Variants in TAFA2 observed in about 807,000 individuals in gnomAD.
TAFA2 encodes the protein TAFA chemokine like family member 2.
A neutral mutation model predicts 18.8 loss-of-function variants in TAFA2; 7 were observed. The observed-to-expected ratio is 0.37, with a 90% CI of 0.21 to 0.70. The LOEUF is 0.70. Ranked by LOEUF, TAFA2 falls within the 30% of genes least tolerant of loss-of-function variation. TAFA2 has a pLI of 0.53. For synonymous variants in TAFA2, 60 were observed against 54.2 expected, an observed-to-expected ratio of 1.11 and a Z score of -0.47; for missense variants, 122 against 158.1, an observed-to-expected ratio of 0.77 and a Z score of 1.23.
intron 1 of TAFA2, among the ~76,000 whole-genome samples, chr12:62,186,399 A>C (rs892040182): frequency 5.3e-5 from 8 of 152,154 alleles, no homozygotes; most frequent in Middle Eastern, 6.3e-3. Context: ...CTTCATGTAG[A>C]GAGTTAGCTT....
chr12:61,765,128 C>T (rs1019298977), intron 2 of TAFA2, among the ~76,000 whole-genome samples: 3 of 152,060 alleles, frequency 2.0e-5, no homozygotes, highest in African/African-American at 7.2e-5. Context: ...TAGGCAGTGA[C>T]ACAAAGAATG....
chr12:61,933,546 C>T lies in TAFA2; in HGVS notation c.-1-66120G>A, dbSNP rs139636310. Among the ~76,000 whole-genome samples, 366 of 152,120 alleles carry T rather than the reference C, an allele frequency of 2.4e-3. 4 individuals carry two copies. Among genetic ancestry groups the T allele is most frequent in the African/African-American group, 8.4e-3 (349 of 41,506 alleles). ...GGGCAATTATAGCAAGACCCCATCT[C>T]TACAAAAAAATTAAAAAATTAGCCA... On this transcript the variant is annotated intron_variant, in intron 1 of 4. Coordinates refer to ENST00000416284, the MANE Select transcript of TAFA2 (RefSeq NM_178539.5).
intron 1 of TAFA2, among the ~76,000 whole-genome samples, chr12:61,948,118 G>A (rs1878344170): frequency 6.6e-6 from 1 of 152,150 alleles, no homozygotes; most frequent in Admixed American, 6.6e-5. Flanking sequence ...AACTTTTGCT[G>A]TTACAAAAAC....
chr12:61,880,144 C>T (rs777407593), intron 1 of TAFA2: 1 of 577,210 alleles, frequency 1.7e-6, no homozygotes, highest in Non-Finnish European at 3.2e-6. Context: ...CCAACTGCAG[C>T]TGGGCTAAGG....
intron 1 of TAFA2, among the ~76,000 whole-genome samples, chr12:62,218,666 C>T (rs1261089579): frequency 2.0e-5 from 3 of 152,216 alleles, no homozygotes; most frequent in South Asian, 2.1e-4. Context: ...ATCTTTATAG[C>T]TTTAAATCTA....
At chr12:62,245,302 A>G (rs1431212678) in intron 1 of TAFA2, among the ~76,000 whole-genome samples, 1 of 152,014 alleles carries the variant, frequency 6.6e-6, no homozygotes, top group African/African-American at 2.4e-5. Flanking sequence ...ATATGCATTT[A>G]TCTAATTGCA....
At chr12:61,901,259 CTTTTT>C (rs1203233805) in intron 1 of TAFA2, among the ~76,000 whole-genome samples, 1 of 10,898 alleles carries the variant, frequency 9.2e-5, no homozygotes, top group Non-Finnish European at 1.5e-4. Flanking sequence ...TTCAATTTCA[CTTTTT>C]TTTTTTTTTT....
intron 1 of TAFA2, among the ~76,000 whole-genome samples, chr12:62,146,429 A>T (rs1290214700): frequency 3.3e-5 from 5 of 151,874 alleles, no homozygotes; most frequent in Non-Finnish European, 7.4e-5. Context: ...GACTACAGGC[A>T]TGCCACCACA....
At chr12:61,720,890 T>TC (rs770852222) in intron 4 of TAFA2, 64 of 515,926 alleles carry the variant, frequency 1.2e-4, no homozygotes, top group Non-Finnish European at 2.0e-4. Flanking sequence ...TCTTTCTACT[T>TC]CTCCATTCGA....
chr12:62,035,280 G>C (rs2136751476), intron 1 of TAFA2, among the ~76,000 whole-genome samples: 1 of 152,280 alleles, frequency 6.6e-6, no homozygotes, highest in East Asian at 1.9e-4. Context: ...AATAGGACCT[G>C]CCCTCCTGAA....
chr12:61,884,184 GA>G, intron 1 of TAFA2, among the ~76,000 whole-genome samples: 1 of 152,154 alleles, frequency 6.6e-6, no homozygotes, highest in Non-Finnish European at 1.5e-5. Context: ...GTATTAAGCG[GA>G]GGAATAAGAG....
intron 1 of TAFA2, among the ~76,000 whole-genome samples, chr12:62,231,621 TG>T (rs1187787821): frequency 6.6e-6 from 1 of 152,220 alleles, no homozygotes; most frequent in African/African-American, 2.4e-5. Flanking sequence ...ACATGTTTTT[TG>T]TTTTTTTTAA....
Position 61,708,816 on chromosome 12 carries a change from G to C in TAFA2, c.*1590C>G, listed in dbSNP as rs916484976. On this transcript the variant is annotated 3_prime_UTR_variant, in exon 5 of 5. Coordinates refer to ENST00000416284, the MANE Select transcript of TAFA2 (RefSeq NM_178539.5). ...GTGTCTGAGTAGTGTTTTGGCCTTT[G>C]AATATTGTCACAAACTAATAGACCA... 1.3e-5 allele frequency: 2 copies of C among 152,062 alleles called. No individual in the cohort carries two copies. Among genetic ancestry groups the C allele is most frequent in the African/African-American group, 4.8e-5 (2 of 41,416 alleles). The allele number at this position is 152,062 out of a possible 1,614,324, so 9.4% of individuals were successfully genotyped here. A position where few individuals can be genotyped will look rare whatever the true frequency, so the allele number is the denominator to read the frequency against.
intron 4 of TAFA2, among the ~76,000 whole-genome samples, chr12:61,751,974 C>T (rs529830056): frequency 7.9e-5 from 12 of 151,852 alleles, no homozygotes; most frequent in East Asian, 5.8e-4. Context: ...AAGAACTATA[C>T]GATATTTTTA....
At chr12:61,994,635 CT>C (rs1880122172) in intron 1 of TAFA2, among the ~76,000 whole-genome samples, 1 of 152,062 alleles carries the variant, frequency 6.6e-6, no homozygotes, top group Non-Finnish European at 1.5e-5. Flanking sequence ...CAAAATTGTT[CT>C]GGTCAAAGTC....
chr12:61,806,419 CG>C (rs1871615882), intron 2 of TAFA2, among the ~76,000 whole-genome samples: 1 of 152,172 alleles, frequency 6.6e-6, no homozygotes, highest in South Asian at 2.1e-4. Flanking sequence ...TCCAACCACA[CG>C]GAACTGTAAG....
intron 4 of TAFA2, among the ~76,000 whole-genome samples, chr12:61,716,119 A>G (rs1023958357): frequency 6.6e-6 from 1 of 152,162 alleles, no homozygotes; most frequent in Non-Finnish European, 1.5e-5. Context: ...CAGTATGAGG[A>G]ACCTAATGAG....
chr12:62,106,483 A>G (rs1319124428), intron 1 of TAFA2, among the ~76,000 whole-genome samples: 3 of 152,176 alleles, frequency 2.0e-5, no homozygotes, highest in African/African-American at 7.2e-5. Context: ...GGTTTCTGGG[A>G]AAATAAAGGG....
chr12:62,159,920 C>G (rs1224325877), intron 1 of TAFA2, among the ~76,000 whole-genome samples: 1 of 152,132 alleles, frequency 6.6e-6, no homozygotes, highest in African/African-American at 2.4e-5. Flanking sequence ...ATTGGATGTT[C>G]TTAGACTCCC....
Sources: allele counts gnomAD v4.1 joint callset (sites outside exome capture counted in the v4.1 genomes callset), GRCh38; gene constraint gnomAD v4.1.1; transcripts MANE v1.5; gene names NCBI Gene and HGNC (gene_info 2026-07-23, HGNC 2026-07-21).